The following KMT2C variants were observed in gnomAD, a reference collection of about 807,000 sequenced individuals.
The protein encoded by KMT2C is histone-lysine N-methyltransferase 2C.
Under a neutral mutation model 507.9 loss-of-function variants are expected in KMT2C, and 88 were observed. That is an observed-to-expected ratio of 0.17 (90% confidence interval 0.15 to 0.21). The LOEUF is 0.21. Among genes scored for constraint, KMT2C ranks in the 10% least tolerant of loss-of-function variants. The pLI, the probability that KMT2C is intolerant of heterozygous loss-of-function variation, is 1.00. For synonymous variants in KMT2C, 2,049 were observed against 2,080.8 expected (o/e 0.98, Z 0.42); for missense variants, 4,954 against 5,957.8 (o/e 0.83, Z 5.55).
intron 24 of KMT2C, among the ~76,000 whole-genome samples, chr7:152,206,097 G>C (rs2094301160): frequency 6.6e-6 from 1 of 152,130 alleles, no homozygotes; most frequent in South Asian, 2.1e-4. Flanking sequence ...GTTAAAAAAG[G>C]GGGTGAGGCA....
intron 9 of KMT2C, among the ~76,000 whole-genome samples, chr7:152,259,466 A>G (rs1268685460): frequency 3.0e-4 from 44 of 148,010 alleles, no homozygotes; most frequent in African/African-American, 1.0e-3. Context: ...ACACACACAC[A>G]CACACACACA....
chr7:152,148,297 G>A lies in KMT2C; in HGVS notation c.13630C>T (p.Arg4544Trp), dbSNP rs766559750. The change falls in exon 52 of 59, where the codon CGG (arginine) becomes TGG (tryptophan). Residue 4544 changes from arginine (R) to tryptophan (W), a missense_variant. This residue lies in a region of KMT2C where 221 missense variants were observed against 304.7 expected (regional missense o/e 0.73). Transcript: ENST00000262189. The surrounding 1 kb of genome is among the most constrained non-coding windows in gnomAD (Gnocchi z 7.1). ...CTACCCACGCGAAAGGTATGGTCCC[G>A]TTCTCCTCGTTGCACGATGCTAGCA... The part of the protein sequence containing the change: ...QIASIVQRGE[R>W]DHTFRVGSLI... The A allele has an allele frequency of 4.3e-6, 7 of 1,614,114 alleles. No individual in the cohort carries two copies. The highest frequency in any genetic ancestry group is 2.7e-5 in the African/African-American group (2 of 74,934).
At chr7:152,192,054 AAAG>A (rs755428674) in intron 31 of KMT2C, among the ~76,000 whole-genome samples, 7 of 152,032 alleles carry the variant, frequency 4.6e-5, no homozygotes, top group Non-Finnish European at 8.8e-5. Flanking sequence ...AAAAAAAGAA[AAAG>A]AAGTCATCCT....
chr7:152,303,544 A>G (rs2096590015), intron 6 of KMT2C, among the ~76,000 whole-genome samples: 3 of 152,218 alleles, frequency 2.0e-5, no homozygotes, highest in Non-Finnish European at 2.9e-5. Flanking sequence ...CACCAGAGAA[A>G]ATATGATAAA....
Position 152,176,746 on chromosome 7 carries a change from G to C in KMT2C, c.8707C>G (p.Gln2903Glu), listed in dbSNP as rs754466956. 6.2e-7 allele frequency: 1 copy of C among 1,614,166 alleles called. No homozygotes were observed. Among genetic ancestry groups the C allele is most frequent in the Non-Finnish European group, 8.5e-7 (1 of 1,180,018 alleles). ...VIQASTQLPA[Q>E]DVINSCGITG... ...ATGCCACAAGAGTTTATTACATCTT[G>C]AGCAGGTAGTTGAGTGGATGCCTGA... The change falls in exon 38 of 59, where the codon CAA (glutamine) becomes GAA (glutamate). Residue 2903 changes from glutamine to glutamate, a missense_variant. Gln to Glu is a conservative substitution (Grantham distance 29). Transcript: ENST00000262189.
intron 6 of KMT2C, among the ~76,000 whole-genome samples, chr7:152,288,229 TAAAAAAAAA>T (rs36047379): frequency 8.3e-6 from 1 of 121,144 alleles, no homozygotes; most frequent in Non-Finnish European, 1.8e-5. Context: ...TGAACTGATT[TAAAAAAAAA>T]AAAAAAAAAA....
rs181794282 is a variant in KMT2C, at chr7:152,257,800, G to T, written c.1300-5085C>A. 6.7e-4 allele frequency among the ~76,000 whole-genome samples: 102 copies of T among 151,898 alleles called. 3 individuals are homozygous for T. In the East Asian group the frequency reaches 0.02, roughly 29 times the overall value. The stretch of plus-strand genomic sequence containing the variant: ...TCCCTGGACCACACTGAAAGAAGAA[G>T]AATTGTCTTGGGCCACACACAAGAT... On this transcript the variant is annotated intron_variant, in intron 9 of 58. Transcript: ENST00000262189.
chr7:152,221,263 G>A (rs1235014590), intron 22 of KMT2C, among the ~76,000 whole-genome samples: 2 of 152,070 alleles, frequency 1.3e-5, no homozygotes, highest in African/African-American at 4.8e-5. Context: ...TCTCAAAAAA[G>A]TCTTCCTGGA....
chr7:152,170,124 T>TA (rs1051699070), intron 40 of KMT2C, among the ~76,000 whole-genome samples: 1 of 152,182 alleles, frequency 6.6e-6, no homozygotes, highest in Admixed American at 6.5e-5. Context: ...TTTGACATAT[T>TA]AAAAAACAAG....
At chr7:152,254,782 CTT>C (rs1204720900) in intron 9 of KMT2C, among the ~76,000 whole-genome samples, 1 of 152,036 alleles carries the variant, frequency 6.6e-6, no homozygotes, top group Non-Finnish European at 1.5e-5. Flanking sequence ...AAACAAAACT[CTT>C]AATTTGTAAA....
At chr7:152,334,790 A>G (rs1017055555) in intron 2 of KMT2C, among the ~76,000 whole-genome samples, 4 of 152,208 alleles carry the variant, frequency 2.6e-5, no homozygotes, top group Admixed American at 2.0e-4. Context: ...CTGGGTCAAC[A>G]AACAATAATA....
intron 1 of KMT2C, among the ~76,000 whole-genome samples, chr7:152,390,379 C>A (rs113167676): frequency 0.031 from 3,601 of 114,930 alleles, no homozygotes; most frequent in African/African-American, 0.089. Flanking sequence ...TTACCAGTTC[C>A]ACAAAGGAAC....
chr7:152,359,607 C>CA (rs904911792), intron 1 of KMT2C, among the ~76,000 whole-genome samples: 101 of 141,774 alleles, frequency 7.1e-4, no homozygotes, highest in Non-Finnish European at 8.9e-4. Flanking sequence ...CCATCTCTAC[C>CA]AAAAAAAAAA....
intron 2 of KMT2C, among the ~76,000 whole-genome samples, chr7:152,344,759 G>T (rs549401877): frequency 6.6e-6 from 1 of 151,696 alleles, no homozygotes; most frequent in Admixed American, 6.6e-5. Flanking sequence ...AGGCCGAGGC[G>T]GGCAGATCAC....
intron 23 of KMT2C, among the ~76,000 whole-genome samples, chr7:152,214,280 A>G (rs998967644): frequency 6.6e-5 from 10 of 152,304 alleles, no homozygotes; most frequent in South Asian, 2.1e-4. Context: ...ATTCATGGCG[A>G]CATTACTCCC....
intron 1 of KMT2C, among the ~76,000 whole-genome samples, chr7:152,392,867 A>C (rs560612313): frequency 6.1e-5 from 9 of 148,634 alleles, no homozygotes; most frequent in African/African-American, 1.3e-4. Flanking sequence ...CTTGTTATAT[A>C]ATAAGCCAGT....
rs1183345172 is a variant in KMT2C at position 152,249,673 on chromosome 7, CAAAAAAAAAAAA to C, written c.1813+191_1813+202del. On this transcript the variant is annotated intron_variant, in intron 13 of 58. Transcript: ENST00000262189. ...ATTTTTAATCATGACCTCCCCCCTC[CAAAAAAAAAAAA>C]AAAAAAAAAAAAAACCTTTCAAGAG... Among the ~76,000 whole-genome samples, 67 of 34,516 alleles carry C rather than the reference CAAAAAAAAAAAA, an allele frequency of 1.9e-3. No homozygotes were observed. The East Asian group carries it at 0.045, about 23-fold the overall frequency. The allele number at this position is 34,516 out of a possible 152,430, so 22.6% of individuals were successfully genotyped here.
At chr7:152,400,734 T>A (rs2097567401) in intron 1 of KMT2C, among the ~76,000 whole-genome samples, 1 of 152,200 alleles carries the variant, frequency 6.6e-6, no homozygotes, top group African/African-American at 2.4e-5. Flanking sequence ...TGTACTGCAT[T>A]AAAACAAGTT....
chr7:152,412,135 C>T (rs1379437663), intron 1 of KMT2C, among the ~76,000 whole-genome samples: 1 of 152,136 alleles, frequency 6.6e-6, no homozygotes, highest in Non-Finnish European at 1.5e-5. Flanking sequence ...AGAGCGGTGG[C>T]TCATGCCTGT....
Sources: allele counts gnomAD v4.1 joint callset (sites outside exome capture counted in the v4.1 genomes callset), GRCh38; gene constraint gnomAD v4.1.1; regional missense constraint gnomAD v4.1.1; non-coding constraint Gnocchi (gnomAD v3.1); transcripts MANE v1.5; gene names NCBI Gene and HGNC (gene_info 2026-07-23, HGNC 2026-07-21).